The following CASS4 variants were observed in gnomAD, a reference collection of about 807,000 sequenced individuals.
The protein encoded by CASS4 is Cas scaffold protein family member 4, also known as cas scaffolding protein family member 4.
Under a neutral mutation model 54.2 loss-of-function variants are expected in CASS4, and 22 were observed. The observed-to-expected ratio is 0.41, with a 90% confidence interval of 0.29 to 0.58. The LOEUF (loss-of-function observed/expected upper bound fraction) is 0.58. CASS4 is among the 20% of genes least tolerant of loss of function. The pLI, the probability that CASS4 is intolerant of heterozygous loss-of-function variation, is 0.36. For synonymous variants in CASS4, 409 were observed against 391.5 expected, an observed-to-expected ratio of 1.04 and a Z score of -0.53; for missense variants, 854 against 986.7, an observed-to-expected ratio of 0.87 and a Z score of 1.80.
rs2146259366 is a variant in CASS4, at chr20:56,414,565, C to T, written c.36+2071C>T. Among the ~76,000 whole-genome samples, 1 of 151,970 alleles carries T rather than the reference C, an allele frequency of 6.6e-6. No homozygotes were observed. Among genetic ancestry groups the T allele is most frequent in the Admixed American group, 6.5e-5 (1 of 15,276 alleles). On this transcript the variant is annotated intron_variant, in intron 1 of 5. Coordinates refer to ENST00000679887, the MANE Select transcript of CASS4 (RefSeq NM_020356.4). This position sits in a 1 kb window ranked among gnomAD's most constrained non-coding sequence, Gnocchi z 4.1. ...AGTACAGGATTACAGGTGCACACCACCGAGCCCCACTGCAATTTGTAAATA... is the reference window on the plus strand; with the variant it reads ...AGTACAGGATTACAGGTGCACACCATCGAGCCCCACTGCAATTTGTAAATA...
intron 3 of CASS4, among the ~76,000 whole-genome samples, chr20:56,448,181 T>A (rs1399801997): frequency 6.6e-6 from 1 of 151,990 alleles, no homozygotes; most frequent in Non-Finnish European, 1.5e-5. Flanking sequence ...AAGACACACT[T>A]GTATGACTCA....
chr20:56,458,274 G>T, intron 5 of CASS4, 66 bp from the exon 6 acceptor site: 3 of 1,478,976 alleles, frequency 2.0e-6, no homozygotes, highest in Non-Finnish European at 2.8e-6. Context: ...GCCAAAACAG[G>T]AAAGGGCAGA....
chr20:56,435,282 G>C (rs537693098), intron 1 of CASS4, among the ~76,000 whole-genome samples: 5 of 140,908 alleles, frequency 3.5e-5, no homozygotes, highest in South Asian at 4.2e-4. Flanking sequence ...AAACATAATG[G>C]AAGAGTTGGT....
chr20:56,431,788 C>A (rs1979917827), intron 1 of CASS4, among the ~76,000 whole-genome samples: 1 of 152,168 alleles, frequency 6.6e-6, no homozygotes, highest in African/African-American at 2.4e-5. Context: ...TATCTTATTT[C>A]TAGACAAATG....
rs1333643221 is a variant in CASS4 at position 56,460,360 on chromosome 20, T to A, written c.*1613T>A. 6.6e-6 allele frequency: 1 copy of A among 152,586 alleles called. No individual in the cohort carries two copies. Among genetic ancestry groups the A allele is most frequent in the Non-Finnish European group, 1.5e-5 (1 of 68,040 alleles). The allele number at this position is 152,586 out of a possible 1,614,324, so 9.5% of individuals were successfully genotyped here. A position where few individuals can be genotyped will look rare whatever the true frequency, so the allele number is the denominator to read the frequency against. ...TTGCTTTTGCACCACCCTAATAATA[T>A]TAAATATAATCATGACTTTAAACAT... is the stretch of plus-strand genomic sequence containing the variant. On this transcript the variant is annotated 3_prime_UTR_variant, in exon 6 of 6. Coordinates refer to ENST00000679887, the MANE Select transcript of CASS4 (RefSeq NM_020356.4).
chr20:56,421,348 T>C (rs1012860938), intron 1 of CASS4, among the ~76,000 whole-genome samples: 12 of 152,206 alleles, frequency 7.9e-5, no homozygotes, highest in Admixed American at 2.6e-4. Flanking sequence ...AAAATTGTAG[T>C]GGCACGTGGA....
At chr20:56,415,474 A>G (rs1194558937) in intron 1 of CASS4, among the ~76,000 whole-genome samples, 1 of 152,254 alleles carries the variant, frequency 6.6e-6, no homozygotes, top group Non-Finnish European at 1.5e-5. Context: ...GGTTTTACAC[A>G]AATAGGAGCT....
At chr20:56,435,943 GGTTTCACCAT>G (rs1306966728) in intron 1 of CASS4, among the ~76,000 whole-genome samples, 2 of 147,650 alleles carry the variant, frequency 1.4e-5, no homozygotes, top group Non-Finnish European at 3.0e-5. Flanking sequence ...TTAGAGACAG[GGTTTCACCAT>G]GTTGGCCAGG....
intron 1 of CASS4, among the ~76,000 whole-genome samples, chr20:56,424,599 G>A (rs1979553127): frequency 6.6e-6 from 1 of 151,956 alleles, no homozygotes; most frequent in African/African-American, 2.4e-5. Context: ...AAATTTGCCG[G>A]GTGTGGTGGC....
In CASS4 at chr20:56,458,437, T is replaced by G; in HGVS notation, c.2051T>G (p.Phe684Cys). Reference sequence around the variant, plus strand: ...TGCCGGCTCTACTTTGGGGCGCTCTTCAAAGCCATCAGCGCATTTCACGGC... The same window carrying G: ...TGCCGGCTCTACTTTGGGGCGCTCTGCAAAGCCATCAGCGCATTTCACGGC... The part of the protein sequence containing the change: ...EHCRLYFGAL[F>C]KAISAFHGSL... Residue 684 changes from phenylalanine (F) to cysteine (C), a missense_variant, in exon 6 of 6, where the codon TTC becomes TGC. Transcript: ENST00000679887. 1.2e-6 allele frequency: 2 copies of G among 1,614,100 alleles called. No homozygotes were observed. The highest frequency in any genetic ancestry group is 1.7e-6 in the Non-Finnish European group (2 of 1,180,030).
At chr20:56,456,448 A>G (rs1049434604) in intron 5 of CASS4, among the ~76,000 whole-genome samples, 1 of 151,360 alleles carries the variant, frequency 6.6e-6, no homozygotes, top group African/African-American at 2.4e-5. Context: ...ATCTCAGCTC[A>G]TTGCAATCTC....
At chr20:56,454,605 A>T (rs1423923625) in intron 5 of CASS4, among the ~76,000 whole-genome samples, 1 of 152,248 alleles carries the variant, frequency 6.6e-6, no homozygotes, top group African/African-American at 2.4e-5. Context: ...AAACAGTTCC[A>T]CTGTAGTGTA....
At chr20:56,422,768 C>T (rs934817593) in intron 1 of CASS4, among the ~76,000 whole-genome samples, 1 of 152,192 alleles carries the variant, frequency 6.6e-6, no homozygotes, top group African/African-American at 2.4e-5. Context: ...TTAAAGTTTG[C>T]GTTTATTCAC....
intron 5 of CASS4, among the ~76,000 whole-genome samples, chr20:56,456,766 C>T (rs1981316931): frequency 1.3e-5 from 2 of 152,026 alleles, no homozygotes; most frequent in Admixed American, 6.6e-5. Context: ...GCAGCCTCCA[C>T]CACCCAGGTT....
At position 56,412,437 on chromosome 20, in the gene CASS4, G is replaced by T; in HGVS notation, c.-22G>T. 2 of 1,611,686 alleles carry T rather than the reference G, an allele frequency of 1.2e-6. No individual in the cohort carries two copies. Among genetic ancestry groups the T allele is most frequent in the Non-Finnish European group, 1.7e-6 (2 of 1,178,874 alleles). On this transcript the variant is annotated 5_prime_UTR_variant, in exon 1 of 6. Coordinates refer to ENST00000679887, the MANE Select transcript of CASS4 (RefSeq NM_020356.4). The surrounding 1 kb of genome is among the most constrained non-coding windows in gnomAD (Gnocchi z 4.2). ...GGAGATACTAGCTGCAGAGCTCAGG[G>T]GAGCTGCTCCACATCACCGACATGA...
At position 56,443,482 on chromosome 20, in the gene CASS4, A is replaced by C. The variant is rs997573608; in HGVS notation, c.460-2418A>C. On this transcript the variant is annotated intron_variant, in intron 2 of 5. Coordinates refer to ENST00000679887, the MANE Select transcript of CASS4 (RefSeq NM_020356.4). ...AGACTCCGTCTCCAAAAAAAAAAAGAAGCTTGGATTTCATTCAAAATGCAA... is the reference window on the plus strand; with the variant it reads ...AGACTCCGTCTCCAAAAAAAAAAAGCAGCTTGGATTTCATTCAAAATGCAA... Among the ~76,000 whole-genome samples, 5 of 148,504 alleles carry C rather than the reference A, an allele frequency of 3.4e-5. 1 individual carries two copies. Among genetic ancestry groups the C allele is most frequent in the African/African-American group, 1.3e-4 (5 of 38,324 alleles).
rs1367182271 is a variant in CASS4 at position 56,460,008 on chromosome 20, T to G, written c.*1261T>G. The G allele has an allele frequency of 1.3e-5, 2 of 152,392 alleles. No individual in the cohort carries two copies. The highest frequency in any genetic ancestry group is 1.3e-4 in the Admixed American group (2 of 15,276). The allele number at this position is 152,392 out of a possible 1,614,324, so 9.4% of individuals were successfully genotyped here. On this transcript the variant is annotated 3_prime_UTR_variant, in exon 6 of 6. Coordinates refer to ENST00000679887, the MANE Select transcript of CASS4 (RefSeq NM_020356.4). The stretch of plus-strand genomic sequence containing the variant: ...TTATCTTCAAATGGTTAATTTTTAT[T>G]GCATCCATTAGATAATAGAGTAAGT...
rs367569172 is a variant in CASS4, at chr20:56,447,869, G to A, written c.561+1868G>A. Reference sequence around the variant, plus strand: ...TGTAAAAGTTATCAATGGGCCGGGCGCGGTGGCTCACGCCTGTAATCCCAG... The same window carrying A: ...TGTAAAAGTTATCAATGGGCCGGGCACGGTGGCTCACGCCTGTAATCCCAG... On this transcript the variant is annotated intron_variant, in intron 3 of 5. Transcript: ENST00000679887. Among the ~76,000 whole-genome samples the A allele has an allele frequency of 5.9e-5, 9 of 152,250 alleles. No individual in the cohort carries two copies. The South Asian group carries it at 1.7e-3, about 28-fold the overall frequency.
chr20:56,440,623 CA>C (rs1490350174), intron 2 of CASS4, among the ~76,000 whole-genome samples: 2 of 152,180 alleles, frequency 1.3e-5, no homozygotes, highest in East Asian at 3.8e-4. Context: ...CACAAGGTTT[CA>C]AAAACATGGA....
Sources: allele counts gnomAD v4.1 joint callset (sites outside exome capture counted in the v4.1 genomes callset), GRCh38; gene constraint gnomAD v4.1.1; non-coding constraint Gnocchi (gnomAD v3.1); transcripts MANE v1.5; gene names NCBI Gene and HGNC (gene_info 2026-07-23, HGNC 2026-07-21).